The following RBFOX1 variants were observed in gnomAD, a reference collection of about 807,000 sequenced individuals.
RBFOX1 encodes the protein RNA binding fox-1 homolog 1.
RBFOX1 carries 8 observed loss-of-function variants against 57.7 expected under a neutral mutation model. The observed-to-expected ratio is 0.14, with a 90% CI of 0.08 to 0.25. The LOEUF (loss-of-function observed/expected upper bound fraction) is 0.25. Among genes scored for constraint, RBFOX1 ranks in the 10% least tolerant of loss-of-function variants. RBFOX1 has a pLI of 1.00. For missense variants in RBFOX1, 611 were observed against 548.5 expected (o/e 1.11, Z -1.14); for synonymous variants, 326 against 222.4 (o/e 1.47, Z -4.15).
intron 3 of RBFOX1, among the ~76,000 whole-genome samples, chr16:5,733,740 C>T (rs1031103002): frequency 6.6e-6 from 1 of 151,952 alleles, no homozygotes; most frequent in African/African-American, 2.4e-5. Context: ...CTTCCTATCT[C>T]TTCTTTCCTG....
At chr16:6,716,185 C>A (rs547799123) in intron 3 of RBFOX1, among the ~76,000 whole-genome samples, 1 of 152,132 alleles carries the variant, frequency 6.6e-6, no homozygotes, top group East Asian at 1.9e-4. Flanking sequence ...GGTTATAATA[C>A]CTTTCTAATA....
chr16:7,185,295 A>G (rs965376154), intron 4 of RBFOX1, among the ~76,000 whole-genome samples: 1 of 151,996 alleles, frequency 6.6e-6, no homozygotes, highest in Non-Finnish European at 1.5e-5. Flanking sequence ...TTTTTTCCCT[A>G]ATGATTCTAC....
intron 1 of RBFOX1, among the ~76,000 whole-genome samples, chr16:6,152,181 C>T (rs1597826996): frequency 6.6e-6 from 1 of 152,130 alleles, no homozygotes; most frequent in African/African-American, 2.4e-5. Flanking sequence ...TATATGCTGG[C>T]ATAATATTGT....
intron 1 of RBFOX1, among the ~76,000 whole-genome samples, chr16:6,197,553 C>G (rs1005384757): frequency 7.4e-6 from 1 of 135,158 alleles, no homozygotes; most frequent in African/African-American, 2.5e-5. Flanking sequence ...CAACCTGGTG[C>G]TTCTGTTTCC....
intron 4 of RBFOX1, among the ~76,000 whole-genome samples, chr16:7,073,467 C>T (rs550453097): frequency 6.6e-6 from 1 of 152,094 alleles, no homozygotes; most frequent in Non-Finnish European, 1.5e-5. Flanking sequence ...TAAAGAAAGA[C>T]GATATAATTC....
intron 3 of RBFOX1, among the ~76,000 whole-genome samples, chr16:6,973,823 G>T (rs2086146828): frequency 6.6e-6 from 1 of 151,974 alleles, no homozygotes; most frequent in South Asian, 2.1e-4. Context: ...GGATGTGTAG[G>T]TTTGTTAAAC....
intron 3 of RBFOX1, among the ~76,000 whole-genome samples, chr16:6,687,015 A>G (rs986048035): frequency 1.3e-5 from 2 of 152,248 alleles, no homozygotes; most frequent in Non-Finnish European, 2.9e-5. Context: ...ATGGAAAAGC[A>G]TGGTTAAACT....
chr16:6,526,851 AAAAAAAAAC>A (rs2096586698), intron 2 of RBFOX1, among the ~76,000 whole-genome samples: 3 of 140,290 alleles, frequency 2.1e-5, no homozygotes, highest in African/African-American at 9.4e-5. Context: ...AAAAAAAAAA[AAAAAAAAAC>A]AACCAGAAAA....
At chr16:7,456,729 C>T (rs1036263242) in intron 4 of RBFOX1, among the ~76,000 whole-genome samples, 13 of 152,110 alleles carry the variant, frequency 8.5e-5, no homozygotes, top group Admixed American at 3.9e-4. Context: ...CGTAGAATCG[C>T]CACCTATGGC....
chr16:6,796,581 A>G (rs1049844866), intron 3 of RBFOX1, among the ~76,000 whole-genome samples: 7 of 152,038 alleles, frequency 4.6e-5, no homozygotes, highest in African/African-American at 1.7e-4. Context: ...ACTTCCTTCT[A>G]CCCTTATTCA....
intron 4 of RBFOX1, among the ~76,000 whole-genome samples, chr16:7,367,537 A>G (rs1053555476): frequency 8.5e-5 from 13 of 152,174 alleles, no homozygotes; most frequent in African/African-American, 3.1e-4. Flanking sequence ...CATCTCTTCC[A>G]GGTTTGCATT....
intron 4 of RBFOX1, among the ~76,000 whole-genome samples, chr16:7,380,821 C>T (rs1324017951): frequency 6.6e-6 from 1 of 152,202 alleles, no homozygotes; most frequent in African/African-American, 2.4e-5. Flanking sequence ...ATTCAGATTT[C>T]ATAGAAGCAG....
rs894427780 is a variant in RBFOX1 at position 7,285,454 on chromosome 16, G to A, written c.28-232693G>A. ...GGTTTTGTAGAATTTTACCGCACATGTAGGTCTGTGCATCCAACACCACAG... is the reference window on the plus strand; with the variant it reads ...GGTTTTGTAGAATTTTACCGCACATATAGGTCTGTGCATCCAACACCACAG... On this transcript the variant is annotated intron_variant, in intron 4 of 15. Coordinates refer to ENST00000550418, the MANE Select transcript of RBFOX1 (RefSeq NM_018723.4). Among the ~76,000 whole-genome samples, 15 of 151,994 alleles carry A rather than the reference G, an allele frequency of 9.9e-5. No individual in the cohort carries two copies. The South Asian group carries it at 2.9e-3, about 30-fold the overall frequency.
At chr16:6,893,904 T>C (rs895523825) in intron 3 of RBFOX1, among the ~76,000 whole-genome samples, 5 of 152,104 alleles carry the variant, frequency 3.3e-5, no homozygotes, top group Non-Finnish European at 7.3e-5. Flanking sequence ...CTGTCACACA[T>C]AGAGGGAGCA....
At chr16:6,460,138 G>T (rs8054831) in intron 2 of RBFOX1, among the ~76,000 whole-genome samples, 96 of 150,518 alleles carry the variant, frequency 6.4e-4, no homozygotes, top group African/African-American at 2.2e-3. Flanking sequence ...TTAAGTAACA[G>T]AAGTTTATTT....
At chr16:6,919,386 C>A (rs2073964069) in intron 3 of RBFOX1, among the ~76,000 whole-genome samples, 1 of 152,046 alleles carries the variant, frequency 6.6e-6, no homozygotes, top group Non-Finnish European at 1.5e-5. Flanking sequence ...TTTAGGTTCT[C>A]TTATTAGCTC....
At chr16:6,407,293 T>C (rs942874843) in intron 2 of RBFOX1, among the ~76,000 whole-genome samples, 5 of 152,296 alleles carry the variant, frequency 3.3e-5, no homozygotes, top group African/African-American at 1.2e-4. Context: ...TATATCCATA[T>C]CAAATATGTA....
intron 4 of RBFOX1, among the ~76,000 whole-genome samples, chr16:7,114,565 T>A (rs1397378847): frequency 6.6e-6 from 1 of 152,192 alleles, no homozygotes; most frequent in African/African-American, 2.4e-5. Context: ...AGAAATTGAA[T>A]ACCATCTATT....
chr16:6,866,554 T>TTTTTTTTTTTTTTTG, intron 3 of RBFOX1, among the ~76,000 whole-genome samples: 1 of 136,390 alleles, frequency 7.3e-6, no homozygotes, highest in Non-Finnish European at 1.6e-5. Context: ...TTTTTTTTTT[T>TTTTTTTTTTTTTTTG]TTTTTGAGTT....
Sources: allele counts gnomAD v4.1 joint callset (sites outside exome capture counted in the v4.1 genomes callset), GRCh38; gene constraint gnomAD v4.1.1; transcripts MANE v1.5; gene names NCBI Gene and HGNC (gene_info 2026-07-23, HGNC 2026-07-21).